DNAH14: variants seen among roughly 807,000 people sequenced by gnomAD.
DNAH14 encodes axonemal beta dynein heavy chain 14.
In DNAH14, 478 loss-of-function variants were observed where a neutral mutation model predicts 520.9. The ratio of observed to expected loss-of-function variants is 0.92; its 90% CI spans 0.85 to 0.99. DNAH14 has a LOEUF of 0.99. Among genes scored for constraint, DNAH14 ranks in the 50% least tolerant of loss-of-function variants. The pLI is 0.00. For synonymous variants in DNAH14, 1,581 were observed against 1,757.2 expected (o/e 0.90, Z 2.51); for missense variants, 4,831 against 5,234.5 (o/e 0.92, Z 2.38).
At chr1:225,015,647 C>CAATA in intron 10 of DNAH14, among the ~76,000 whole-genome samples, 1 of 152,222 alleles carries the variant, frequency 6.6e-6, no homozygotes, top group Admixed American at 6.5e-5. Context: ...ACAACGTTTA[C>CAATA]CCCATGTAAA....
chr1:225,189,949 T>A (rs962192754), intron 37 of DNAH14, among the ~76,000 whole-genome samples: 19 of 151,896 alleles, frequency 1.3e-4, no homozygotes, highest in African/African-American at 3.6e-4. Context: ...TACTCATTTT[T>A]AAAATAGTTA....
At chr1:225,304,748 A>G (rs1285125845) in intron 57 of DNAH14, among the ~76,000 whole-genome samples, 160 bp from the exon 58 acceptor site, 2 of 152,048 alleles carry the variant, frequency 1.3e-5, no homozygotes, top group East Asian at 3.9e-4. Context: ...CCAACCATCA[A>G]AACTCATATT....
intron 43 of DNAH14, chr1:225,250,703 T>A: frequency 1.8e-6 from 1 of 548,066 alleles, no homozygotes; most frequent in Non-Finnish European, 3.4e-6. Context: ...AAAGGGGAAC[T>A]GTGGGCAAGT....
At chr1:224,942,354 T>C (rs1056386256) in intron 1 of DNAH14, among the ~76,000 whole-genome samples, 1 of 152,248 alleles carries the variant, frequency 6.6e-6, no homozygotes, top group African/African-American at 2.4e-5. Flanking sequence ...GCATTGATTT[T>C]GTATCCTGGG....
At chr1:225,141,467 C>A (rs556000456) in intron 28 of DNAH14, among the ~76,000 whole-genome samples, 1 of 124,692 alleles carries the variant, frequency 8.0e-6, no homozygotes, top group Non-Finnish European at 1.6e-5. Flanking sequence ...TATACGTATC[C>A]TCTGTTTGGG....
chr1:225,191,410 G>A (rs1256711263), intron 37 of DNAH14, among the ~76,000 whole-genome samples: 1 of 151,820 alleles, frequency 6.6e-6, no homozygotes, highest in African/African-American at 2.4e-5. Context: ...ATGCCTTCTG[G>A]CCTTTGTGCT....
At chr1:224,949,170 AT>A (rs760194413) in intron 1 of DNAH14, among the ~76,000 whole-genome samples, 11 of 152,142 alleles carry the variant, frequency 7.2e-5, no homozygotes, top group Non-Finnish European at 1.5e-4. Flanking sequence ...CACATTGAAA[AT>A]ATTGTATCAT....
intron 77 of DNAH14, among the ~76,000 whole-genome samples, chr1:225,373,206 G>T (rs569086680): frequency 6.7e-6 from 1 of 149,332 alleles, no homozygotes; most frequent in South Asian, 2.1e-4. Flanking sequence ...CAGAAAGAAA[G>T]GGGGAGAGGA....
At chr1:225,162,516 C>T (rs1206220276) in intron 35 of DNAH14, among the ~76,000 whole-genome samples, 4 of 152,052 alleles carry the variant, frequency 2.6e-5, no homozygotes, top group Non-Finnish European at 5.9e-5. Context: ...TTTGGCTATT[C>T]TGGGTTGTTT....
intron 6 of DNAH14, 24 bp downstream of exon 6, chr1:224,967,607 G>T: frequency 6.3e-7 from 1 of 1,594,710 alleles, no homozygotes. Context: ...GATGTTTTAA[G>T]CTTTCAGAAT....
intron 54 of DNAH14, among the ~76,000 whole-genome samples, chr1:225,289,373 C>T (rs2093815220): frequency 6.6e-6 from 1 of 152,086 alleles, no homozygotes; most frequent in Non-Finnish European, 1.5e-5. Context: ...ACAAGGGTTG[C>T]ATAAGTCTGT....
At chr1:225,252,579 C>T (rs936250190) in intron 44 of DNAH14, among the ~76,000 whole-genome samples, 162 bp downstream of exon 44, 1 of 152,106 alleles carries the variant, frequency 6.6e-6, no homozygotes, top group Non-Finnish European at 1.5e-5. Context: ...GTTTACAAAA[C>T]ATATCTTTAA....
At chr1:224,937,012 A>C (rs1416920758) in intron 1 of DNAH14, among the ~76,000 whole-genome samples, 2 of 152,028 alleles carry the variant, frequency 1.3e-5, no homozygotes, top group Non-Finnish European at 2.9e-5. Context: ...TTATAAAATT[A>C]AACATCCTTT....
chr1:225,302,825 G>T (rs1211013323), intron 56 of DNAH14, among the ~76,000 whole-genome samples: 3 of 152,060 alleles, frequency 2.0e-5, no homozygotes, highest in Non-Finnish European at 4.4e-5. Flanking sequence ...GTTTCTGTGG[G>T]TCTTAAATCC....
intron 76 of DNAH14, among the ~76,000 whole-genome samples, chr1:225,366,951 C>T (rs901722533): frequency 6.6e-6 from 1 of 151,380 alleles, no homozygotes; most frequent in Middle Eastern, 3.2e-3. Context: ...GTACAAATCC[C>T]ACTATACACA....
At chr1:224,942,389 T>C (rs2059483097) in intron 1 of DNAH14, among the ~76,000 whole-genome samples, 1 of 152,230 alleles carries the variant, frequency 6.6e-6, no homozygotes, top group Admixed American at 6.5e-5. Flanking sequence ...GCCTATCAGC[T>C]TAAGGAGATT....
chr1:225,100,043 A>G (rs1475576428), intron 22 of DNAH14, among the ~76,000 whole-genome samples: 2 of 152,154 alleles, frequency 1.3e-5, no homozygotes, highest in Admixed American at 1.3e-4. Flanking sequence ...TCTCTCATTC[A>G]ATTCCAACAA....
chr1:225,033,488 G>A (rs1250565262), intron 11 of DNAH14, among the ~76,000 whole-genome samples: 1 of 152,050 alleles, frequency 6.6e-6, no homozygotes, highest in Non-Finnish European at 1.5e-5. Flanking sequence ...TAGCCTTGTA[G>A]TGTAGTTTGA....
intron 41 of DNAH14, among the ~76,000 whole-genome samples, chr1:225,222,503 C>A (rs1311125536): frequency 6.6e-6 from 1 of 152,076 alleles, no homozygotes; most frequent in Non-Finnish European, 1.5e-5. Flanking sequence ...TGGAAGGGGA[C>A]CCAAGAGGGT....
Sources: allele counts gnomAD v4.1 joint callset (sites outside exome capture counted in the v4.1 genomes callset), GRCh38; gene constraint gnomAD v4.1.1; transcripts MANE v1.5; gene names NCBI Gene and HGNC (gene_info 2026-07-23, HGNC 2026-07-21).